ARHGEF12: variants seen among roughly 807,000 people sequenced by gnomAD.
ARHGEF12 encodes the protein Rho guanine nucleotide exchange factor 12, also known as KMT2A/ARHGEF12 fusion protein.
A neutral mutation model predicts 211.2 loss-of-function variants in ARHGEF12; 66 were observed. The observed-to-expected ratio is 0.31, with a 90% CI of 0.26 to 0.38. The LOEUF (loss-of-function observed/expected upper bound fraction) is 0.38, where lower values mean the gene tolerates loss of function less well. Among genes scored for constraint, ARHGEF12 ranks in the 10% least tolerant of loss-of-function variants. The probability of loss-of-function intolerance (pLI) is 1.00; values close to 1 mark genes in which losing one functional copy is unlikely to be tolerated. For synonymous variants in ARHGEF12, 592 were observed against 638.4 expected (o/e 0.93, Z 1.09); for missense variants, 1,429 against 1,869.5 (o/e 0.76, Z 4.34).
At chr11:120,390,136 G>T (rs1307870731) in intron 1 of ARHGEF12, among the ~76,000 whole-genome samples, 3 of 152,112 alleles carry the variant, frequency 2.0e-5, no homozygotes, top group African/African-American at 7.2e-5. Context: ...CCTGGGTAGT[G>T]CCTTTCCAAT....
In ARHGEF12 at chr11:120,424,392, T is replaced by C. The variant is rs1436870976; in HGVS notation, c.383T>C (p.Leu128Pro). ...NGTLVTHSNH[L>P]EVVKLIKSGS... ...ACTCTGGTGACTCATTCAAATCATC[T>C]GGAGGTGGTGAAGCTAATCAAATGT... The change falls in exon 7 of 41, where the codon CTG (leucine) becomes CCG (proline). Residue 128 changes from leucine to proline, a missense_variant. This residue lies in a region of ARHGEF12 where 60 missense variants were observed against 121.0 expected (regional missense o/e 0.50). Coordinates refer to ENST00000397843, the MANE Select transcript of ARHGEF12 (RefSeq NM_015313.3). 3 of 1,613,584 alleles carry C rather than the reference T, an allele frequency of 1.9e-6. No homozygotes were observed. Among genetic ancestry groups the C allele is most frequent in the Non-Finnish European group, 2.5e-6 (3 of 1,179,724 alleles).
chr11:120,343,031 CAT>C (rs1453140739), intron 1 of ARHGEF12, among the ~76,000 whole-genome samples: 4 of 151,558 alleles, frequency 2.6e-5, no homozygotes, highest in Admixed American at 6.6e-5. Context: ...CTTATTTCCA[CAT>C]GTTAGTGAAA....
intron 1 of ARHGEF12, among the ~76,000 whole-genome samples, chr11:120,403,717 CA>C (rs1478981795): frequency 6.6e-6 from 1 of 152,132 alleles, no homozygotes; most frequent in Non-Finnish European, 1.5e-5. Context: ...ATGATATTTT[CA>C]AAAACCAGGC....
chr11:120,391,986 A>G (rs1447968433), intron 1 of ARHGEF12, among the ~76,000 whole-genome samples: 1 of 152,176 alleles, frequency 6.6e-6, no homozygotes, highest in Non-Finnish European at 1.5e-5. Context: ...TTCAAATTAG[A>G]TCATGATGTA....
intron 27 of ARHGEF12, chr11:120,464,959 T>C: frequency 3.4e-6 from 1 of 298,034 alleles, no homozygotes; most frequent in Non-Finnish European, 6.2e-6. Flanking sequence ...TGAGCCAAGA[T>C]CATGCCATTG....
intron 37 of ARHGEF12, among the ~76,000 whole-genome samples, chr11:120,478,616 A>C (rs564326018): frequency 6.6e-6 from 1 of 152,200 alleles, no homozygotes; most frequent in Admixed American, 6.5e-5. Context: ...GGAGGATAGC[A>C]TATCTCTCAG....
chr11:120,441,829 T>A lies in ARHGEF12; in HGVS notation c.1203+12T>A. Reference sequence around the variant, plus strand: ...ACCCTGCGACTTTGGTAATATATTTTACAATCTAGCAGATTCAGAGTTCTT... The same window carrying A: ...ACCCTGCGACTTTGGTAATATATTTAACAATCTAGCAGATTCAGAGTTCTT... On this transcript the variant is annotated intron_variant, in intron 14 of 40. Coordinates refer to ENST00000397843, the MANE Select transcript of ARHGEF12 (RefSeq NM_015313.3). The A allele has an allele frequency of 1.9e-6, 3 of 1,607,768 alleles. No homozygotes were observed. The highest frequency in any genetic ancestry group is 1.7e-4 in the Middle Eastern group (1 of 6,044).
chr11:120,370,246 CTG>C (rs1943553305), intron 1 of ARHGEF12, among the ~76,000 whole-genome samples: 1 of 152,140 alleles, frequency 6.6e-6, no homozygotes, highest in Non-Finnish European at 1.5e-5. Flanking sequence ...ACTGTGCAGT[CTG>C]TCTTTTCCCT....
At chr11:120,470,243 G>T (rs189280450) in intron 30 of ARHGEF12, among the ~76,000 whole-genome samples, 1 of 152,306 alleles carries the variant, frequency 6.6e-6, no homozygotes, top group Non-Finnish European at 1.5e-5. Flanking sequence ...GTTGAAGAAG[G>T]GTGGTGGATG....
At position 120,350,541 on chromosome 11, in the gene ARHGEF12, G is replaced by A. The variant is rs1332583152; in HGVS notation, c.32+13266G>A. 2.2e-4 allele frequency among the ~76,000 whole-genome samples: 34 copies of A among 151,568 alleles called. 1 individual carries two copies. The highest frequency in any genetic ancestry group is 2.2e-3 in the Admixed American group (34 of 15,204). On this transcript the variant is annotated intron_variant, in intron 1 of 40. Transcript: ENST00000397843. ...AAAAAAAAAAAAAAGTGAGAAGTATGTGTATTTGGGGGAAGTTGTAGAATG... is the reference window on the plus strand; with the variant it reads ...AAAAAAAAAAAAAAGTGAGAAGTATATGTATTTGGGGGAAGTTGTAGAATG...
chr11:120,419,706 ACATATCTTTAG>A (rs1221085110), intron 4 of ARHGEF12, among the ~76,000 whole-genome samples: 1 of 152,120 alleles, frequency 6.6e-6, no homozygotes, highest in African/African-American at 2.4e-5. Flanking sequence ...TTTTTTATTA[ACATATCTTTAG>A]CATATCGTTT....
At chr11:120,371,391 G>C (rs1446593939) in intron 1 of ARHGEF12, among the ~76,000 whole-genome samples, 1 of 152,220 alleles carries the variant, frequency 6.6e-6, no homozygotes, top group Non-Finnish European at 1.5e-5. Context: ...GGGAGGCTGA[G>C]GCAGGAGAAT....
chr11:120,429,615 C>T, intron 9 of ARHGEF12, 97 bp from the exon 10 acceptor site: 2 of 1,548,096 alleles, frequency 1.3e-6, no homozygotes, highest in South Asian at 1.2e-5. Context: ...AGCATTGTAA[C>T]CAATGCCATT....
At chr11:120,367,181 G>C (rs1053101218) in intron 1 of ARHGEF12, among the ~76,000 whole-genome samples, 2 of 152,128 alleles carry the variant, frequency 1.3e-5, no homozygotes, top group Non-Finnish European at 2.9e-5. Flanking sequence ...GCAGATCTGT[G>C]ATTCTGTTGT....
intron 1 of ARHGEF12, among the ~76,000 whole-genome samples, chr11:120,353,836 G>T (rs1943060815): frequency 1.3e-5 from 2 of 152,092 alleles, no homozygotes; most frequent in South Asian, 4.1e-4. Flanking sequence ...ACTGTTATCT[G>T]CAACACAGTT....
In ARHGEF12 at chr11:120,406,118, G is replaced by T. The variant is rs749692678; in HGVS notation, c.33G>T (p.Arg11Ser). 4 of 1,538,316 alleles carry T rather than the reference G, an allele frequency of 2.6e-6. No homozygotes were observed. Among genetic ancestry groups the T allele is most frequent in the African/African-American group, 2.9e-5 (2 of 69,730 alleles). ...TATCCTTATTTTTTCTTTGTTTCAGGTTTCCCCTCAAAAAACCTATAAGGT... is the reference window on the plus strand; with the variant it reads ...TATCCTTATTTTTTCTTTGTTTCAGTTTTCCCCTCAAAAAACCTATAAGGT... MSGTQSTITD[R>S]FPLKKPIRHG... Residue 11 changes from arginine (R) to serine (S), a missense_variant and splice_region_variant, in exon 2 of 41, where the codon AGG (arginine) becomes AGT (serine). Physicochemically the swap from Arg to Ser is moderately radical, Grantham distance 110 (BLOSUM62 -1). Coordinates refer to ENST00000397843, the MANE Select transcript of ARHGEF12 (RefSeq NM_015313.3).
Position 120,486,768 on chromosome 11 carries a change from T to G in ARHGEF12, c.*1691T>G, listed in dbSNP as rs1231624265. 1 of 218,638 alleles carries G rather than the reference T, an allele frequency of 4.6e-6. No individual in the cohort carries two copies. Among genetic ancestry groups the G allele is most frequent in the Non-Finnish European group, 9.2e-6 (1 of 108,766 alleles). The allele number at this position is 218,638 out of a possible 1,614,324, so 13.5% of individuals were successfully genotyped here. A position where few individuals can be genotyped will look rare whatever the true frequency, so the allele number is the denominator to read the frequency against. On this transcript the variant is annotated 3_prime_UTR_variant, in exon 41 of 41. Transcript: ENST00000397843. ...GCCCACCTACTTTTATAAACACCAC[T>G]GCAACTTAACAAGTTTATTTATCTA... is the stretch of plus-strand genomic sequence containing the variant.
intron 1 of ARHGEF12, among the ~76,000 whole-genome samples, chr11:120,375,146 G>C (rs1299218592): frequency 1.3e-5 from 2 of 152,134 alleles, no homozygotes; most frequent in East Asian, 1.9e-4. Context: ...TCCTGCCACA[G>C]TTAGCCACTG....
intron 1 of ARHGEF12, among the ~76,000 whole-genome samples, chr11:120,376,468 T>C (rs991067086): frequency 1.8e-4 from 28 of 152,130 alleles, no homozygotes; most frequent in African/African-American, 6.0e-4. Context: ...TTTTAAAAAA[T>C]AGACTGAGAT....
Sources: gnomAD v4.1 joint callset for allele counts (sites outside exome capture counted in the v4.1 genomes callset) on GRCh38, gnomAD v4.1.1 for gene constraint, gnomAD v4.1.1 regional missense constraint, MANE v1.5 for transcripts, NCBI Gene and HGNC (gene_info 2026-07-23, HGNC 2026-07-21) for gene names.